SPIRE2: variants seen among roughly 807,000 people sequenced by gnomAD.
The protein encoded by SPIRE2 is protein spire homolog 2.
SPIRE2 carries 76 observed loss-of-function variants against 80.7 expected under a neutral mutation model. The ratio of observed to expected loss-of-function variants is 0.94; its 90% CI spans 0.78 to 1.14. The LOEUF (loss-of-function observed/expected upper bound fraction) is 1.14, where lower values mean the gene tolerates loss of function less well. SPIRE2 is among the 50% of genes most tolerant of loss of function. The pLI, the probability that SPIRE2 is intolerant of heterozygous loss-of-function variation, is 0.00. For missense variants in SPIRE2, 1,196 were observed against 1,015.3 expected, an observed-to-expected ratio of 1.18 and a Z score of -2.42; for synonymous variants, 535 against 432.6, an observed-to-expected ratio of 1.24 and a Z score of -2.94.
intron 9 of SPIRE2, 41 bp downstream of exon 9, chr16:89,859,395 A>C (rs2041722449): frequency 4.0e-6 from 5 of 1,262,132 alleles, no homozygotes; most frequent in African/African-American, 3.4e-5. Flanking sequence ...CTTCGCCCCC[A>C]CCCCGATCCA....
chr16:89,848,563 C>T (rs2041587566), intron 2 of SPIRE2, among the ~76,000 whole-genome samples: 2 of 145,652 alleles, frequency 1.4e-5, no homozygotes, highest in Admixed American at 1.4e-4. Context: ...GGTTCCAGGG[C>T]CTTCTACAGT....
intron 1 of SPIRE2, among the ~76,000 whole-genome samples, chr16:89,840,013 G>A (rs1201933939): frequency 1.3e-5 from 2 of 152,140 alleles, no homozygotes; most frequent in Non-Finnish European, 2.9e-5. Context: ...AGGTCACAGG[G>A]GCAAGACACC....
chr16:89,846,333 T>TG (rs1036154279), intron 2 of SPIRE2: 24 of 151,610 alleles, frequency 1.6e-4, no homozygotes, highest in African/African-American at 5.8e-4. Flanking sequence ...GGCCTCTTTT[T>TG]TTTTTTGAGA....
At chr16:89,867,283 A>C (rs1347500254) in intron 12 of SPIRE2, among the ~76,000 whole-genome samples, 1 of 151,270 alleles carries the variant, frequency 6.6e-6, no homozygotes, top group East Asian at 2.0e-4. Flanking sequence ...AGCTGGGATT[A>C]CAGGTGCCCG....
intron 1 of SPIRE2, among the ~76,000 whole-genome samples, chr16:89,843,356 C>T (rs1198739129): frequency 2.6e-5 from 4 of 152,150 alleles, no homozygotes; most frequent in Non-Finnish European, 5.9e-5. Context: ...GCTCCCGGGC[C>T]TCCCTCAGGG....
chr16:89,843,178 G>A (rs946590996), intron 1 of SPIRE2, among the ~76,000 whole-genome samples: 1 of 152,108 alleles, frequency 6.6e-6, no homozygotes, highest in Non-Finnish European at 1.5e-5. Context: ...GGGGGAGGAG[G>A]GTTGGGGAGC....
chr16:89,856,278 G>C (rs138095625), intron 7 of SPIRE2, 42 bp downstream of exon 7: 1 of 1,534,716 alleles, frequency 6.5e-7, no homozygotes, highest in Non-Finnish European at 8.8e-7. Context: ...CTGAGCCCCC[G>C]GCTGGGGTTC....
At position 89,850,638 on chromosome 16, in the gene SPIRE2, C is replaced by T; in HGVS notation, c.623C>T (p.Ala208Val). 6.6e-7 allele frequency: 1 copy of T among 1,508,562 alleles called. No individual in the cohort carries two copies. The highest frequency in any genetic ancestry group is 1.2e-5 in the South Asian group (1 of 80,342). 93.4% of individuals were successfully genotyped at this position (1,508,562 alleles called of 1,614,324 possible). Residue 208 changes from alanine to valine, a missense_variant, in exon 3 of 15, where the codon GCC becomes GTC. By Grantham distance (64) the Ala-to-Val change is moderately conservative. Transcript: ENST00000378247. Reference sequence around the variant, plus strand: ...ACGCTGGAGCTGCGGGCCTTCCTGGCCAGGGTCCGGGAGGCCAAGGAGGTG... The same window carrying T: ...ACGCTGGAGCTGCGGGCCTTCCTGGTCAGGGTCCGGGAGGCCAAGGAGGTG... Reference protein sequence around the residue: ...VETLELRAFLARVREAKEMLQ... With the variant: ...VETLELRAFLVRVREAKEMLQ...
intron 1 of SPIRE2, among the ~76,000 whole-genome samples, chr16:89,832,432 A>G (rs2041394959): frequency 6.6e-6 from 1 of 152,150 alleles, no homozygotes; most frequent in African/African-American, 2.4e-5. Context: ...GAAAAGCAAG[A>G]ACTGATTGGA....
At position 89,834,591 on chromosome 16, in the gene SPIRE2, C is replaced by T. The variant is rs369536299; in HGVS notation, c.244+5797C>T. 1.1e-4 allele frequency among the ~76,000 whole-genome samples: 13 copies of T among 113,876 alleles called. No homozygotes were observed. The East Asian group carries it at 1.5e-3, about 13-fold the overall frequency. 74.7% of individuals were successfully genotyped at this position (113,876 alleles called of 152,430 possible). On this transcript the variant is annotated intron_variant, in intron 1 of 14. Coordinates refer to ENST00000378247, the MANE Select transcript of SPIRE2 (RefSeq NM_032451.2). ...CGTAGAAGGCCCCATAAGCATAGCC[C>T]GTGTGAATCTGTGAACCTGCCCGCA...
At chr16:89,867,110 C>T (rs1039335016) in intron 12 of SPIRE2, among the ~76,000 whole-genome samples, 1 of 151,710 alleles carries the variant, frequency 6.6e-6, no homozygotes, top group Non-Finnish European at 1.5e-5. Context: ...AGACAGTGTG[C>T]AAGTTTTTTT....
intron 9 of SPIRE2, among the ~76,000 whole-genome samples, chr16:89,859,736 C>A (rs963037220): frequency 6.6e-6 from 1 of 152,128 alleles, no homozygotes; most frequent in East Asian, 1.9e-4. Flanking sequence ...GGCTCTGGAA[C>A]CTGAGCCGTG....
chr16:89,828,644 G>T lies in SPIRE2; in HGVS notation c.94G>T (p.Glu32Ter), dbSNP rs775234185. Residue 32 changes from glutamate to a stop codon, truncating the protein, a stop_gained, in exon 1 of 15, where the codon GAG becomes TAG. Transcript: ENST00000378247. LOFTEE classifies it high-confidence loss of function. The surrounding 1 kb of genome is among the most constrained non-coding windows in gnomAD (Gnocchi z 5.9). Reference protein sequence around the residue: ...LSLEEVLKAYEQPLNEEQAWA... With the variant: ...LSLEEVLKAY ...CCTGGAGGAGGTGCTGAAGGCCTAC[G>T]AGCAGCCGCTCAACGAGGAGCAGGC... 16 of 1,361,408 alleles carry T rather than the reference G, an allele frequency of 1.2e-5. No individual in the cohort carries two copies. The highest frequency in any genetic ancestry group is 1.5e-5 in the Non-Finnish European group (16 of 1,046,634). 84.3% of individuals were successfully genotyped at this position (1,361,408 alleles called of 1,614,324 possible). A position where few individuals can be genotyped will look rare whatever the true frequency, so the allele number is the denominator to read the frequency against.
intron 1 of SPIRE2, among the ~76,000 whole-genome samples, chr16:89,835,477 T>C (rs562511963): frequency 6.6e-6 from 1 of 152,192 alleles, no homozygotes; most frequent in African/African-American, 2.4e-5. Flanking sequence ...ATCTGCTATG[T>C]CTTCCTAATT....
intron 5 of SPIRE2, 57 bp downstream of exon 5, chr16:89,854,708 C>A: frequency 6.4e-7 from 1 of 1,572,300 alleles, no homozygotes; most frequent in Non-Finnish European, 8.6e-7. Context: ...GTGAGCGGGG[C>A]GGACGCAGAT....
chr16:89,866,303 T>G (rs2143829619), intron 12 of SPIRE2, among the ~76,000 whole-genome samples: 1 of 152,294 alleles, frequency 6.6e-6, no homozygotes, highest in African/African-American at 2.4e-5. Flanking sequence ...AATTTTTTTT[T>G]TTTATTTTTT....
chr16:89,854,094 G>A (rs768957755), intron 3 of SPIRE2, among the ~76,000 whole-genome samples, 192 bp from the exon 4 acceptor site: 10 of 152,268 alleles, frequency 6.6e-5, no homozygotes, highest in Non-Finnish European at 1.0e-4. Context: ...TGTGTCCGCC[G>A]CCTGTGGCGA....
In SPIRE2 at chr16:89,863,423, A is replaced by G; in HGVS notation, c.1576-53A>G. On this transcript the variant is annotated intron_variant, in intron 10 of 14. Transcript: ENST00000378247. The surrounding 1 kb of genome is among the most constrained non-coding windows in gnomAD (Gnocchi z 4.3). ...GTTAGGGTCCTCAGGGAAGGAGAGT[A>G]AGCTAGGGGAGCCTCCTGCATAGAA... 6.2e-7 allele frequency: 1 copy of G among 1,606,956 alleles called. No individual in the cohort carries two copies. Among genetic ancestry groups the G allele is most frequent in the South Asian group, 1.1e-5 (1 of 90,780 alleles).
intron 9 of SPIRE2, 80 bp downstream of exon 9, chr16:89,859,434 C>A: frequency 1.1e-6 from 1 of 901,294 alleles, no homozygotes; most frequent in Non-Finnish European, 1.5e-6. Flanking sequence ...TCCACCTCAG[C>A]CCACATCTTC....
Sources: allele counts gnomAD v4.1 joint callset (sites outside exome capture counted in the v4.1 genomes callset), GRCh38; gene constraint gnomAD v4.1.1; non-coding constraint Gnocchi (gnomAD v3.1); transcripts MANE v1.5; gene names NCBI Gene and HGNC (gene_info 2026-07-23, HGNC 2026-07-21).